THBS3: variants seen among roughly 807,000 people sequenced by gnomAD.
THBS3 encodes the protein thrombospondin 3.
Under a neutral mutation model 118.3 loss-of-function variants are expected in THBS3, and 78 were observed. The observed-to-expected ratio is 0.66, with a 90% CI of 0.55 to 0.80. THBS3 has a LOEUF of 0.80. THBS3 is among the 30% of genes least tolerant of loss of function. The pLI is 0.00. For missense variants in THBS3, 1,057 were observed against 1,247.4 expected (o/e 0.85, Z 2.30); for synonymous variants, 427 against 475.3 (o/e 0.90, Z 1.32).
chr1:155,208,000 G>C (rs1029631695), upstream of THBS3: 2 of 463,492 alleles, frequency 4.3e-6, no homozygotes, highest in Admixed American at 6.7e-5. Flanking sequence ...GGCGGGTGAG[G>C]GGGGGCTGAA....
chr1:155,198,853 C>A (rs1669144137), intron 16 of THBS3: 2 of 440,188 alleles, frequency 4.5e-6, no homozygotes, highest in Non-Finnish European at 8.1e-6. Flanking sequence ...GGCACAGTGG[C>A]TCATGCCTGT....
upstream of THBS3, chr1:155,207,930 G>A: frequency 6.5e-7 from 1 of 1,545,044 alleles, no homozygotes; most frequent in Non-Finnish European, 8.8e-7. Flanking sequence ...AGGGGAAAAG[G>A]CTAGGCGGAG....
chr1:155,197,240 G>T lies in THBS3; in HGVS notation c.2500-27C>A. On this transcript the variant is annotated intron_variant, in intron 20 of 22. Transcript: ENST00000368378. The surrounding 1 kb of genome is among the most constrained non-coding windows in gnomAD (Gnocchi z 5.0). The stretch of plus-strand genomic sequence containing the variant: ...TAGGAGACATTGGCAAAGACAGTGG[G>T]TCAACTGCAGAACTGGAGTGAGGGG... 1.2e-6 allele frequency: 2 copies of T among 1,607,202 alleles called. No homozygotes were observed. Among genetic ancestry groups the T allele is most frequent in the Non-Finnish European group, 1.7e-6 (2 of 1,174,334 alleles).
At chr1:155,208,826 C>T, upstream of THBS3, 1 of 1,576,500 alleles carries the variant, frequency 6.3e-7, no homozygotes, top group Non-Finnish European at 8.6e-7. Context: ...GGGACCCCCC[C>T]GCAGTCCCCG....
Position 155,206,300 on chromosome 1 carries a change from G to A in THBS3, c.186C>T (p.Phe62=). 1.2e-6 allele frequency: 2 copies of A among 1,614,194 alleles called. No homozygotes were observed. Among genetic ancestry groups the A allele is most frequent in the Non-Finnish European group, 1.7e-6 (2 of 1,180,028 alleles). ...CACCACCCTGCTTGGGGGGCAGGCGGAAGGTGGATAAGAGGTAGATGTCCC... is the reference window on the plus strand; with the variant it reads ...CACCACCCTGCTTGGGGGGCAGGCGAAAGGTGGATAAGAGGTAGATGTCCC... The part of the protein sequence containing the change: ...TAGDIYLLST[F]RLPPKQGGVL... The change falls in exon 2 of 23, where the codon TTC becomes TTT. Residue 62 remains phenylalanine (F), a synonymous_variant. Transcript: ENST00000368378. The surrounding 1 kb of genome is among the most constrained non-coding windows in gnomAD (Gnocchi z 4.2).
Position 155,197,677 on chromosome 1 carries a change from T to G in THBS3, c.2303-18A>C. The G allele has an allele frequency of 1.5e-6, 2 of 1,296,422 alleles. No homozygotes were observed. The highest frequency in any genetic ancestry group is 1.1e-6 in the Non-Finnish European group (1 of 899,712). 80.3% of individuals were successfully genotyped at this position (1,296,422 alleles called of 1,614,324 possible). A position where few individuals can be genotyped will look rare whatever the true frequency, so the allele number is the denominator to read the frequency against. On this transcript the variant is annotated intron_variant, in intron 19 of 22. Coordinates refer to ENST00000368378, the MANE Select transcript of THBS3 (RefSeq NM_007112.5). The surrounding 1 kb of genome is among the most constrained non-coding windows in gnomAD (Gnocchi z 5.0). ...CGTGTATCCTGGGGTGGGGGTGGGA[T>G]AAAGGTCAGGGGCAGCAAAGCTACT...
At chr1:155,201,843 T>C (rs1430681559) in intron 10 of THBS3, 114 bp downstream of exon 10, 2 of 1,463,312 alleles carry the variant, frequency 1.4e-6, no homozygotes, top group African/African-American at 1.4e-5. Context: ...ACCTAATCTG[T>C]GTAGTGCCCT....
chr1:155,199,952 T>TCC, intron 15 of THBS3, 43 bp downstream of exon 15: 1 of 1,607,956 alleles, frequency 6.2e-7, no homozygotes, highest in Non-Finnish European at 8.5e-7. Flanking sequence ...GCTTCATCCA[T>TCC]CAGTACCCTC....
intron 15 of THBS3, 34 bp downstream of exon 15, chr1:155,199,958 CCCT>C: frequency 6.2e-7 from 1 of 1,605,672 alleles, no homozygotes; most frequent in East Asian, 2.2e-5. Context: ...TCCATCAGTA[CCCT>C]CATCCCTCCC....
chr1:155,202,712 A>G lies in THBS3; in HGVS notation c.957+100T>C. ...GCCTCTGACCTCTCCTAAACTCCAG[A>G]TTCCTCTCCTCCGGACCAGCATTTA... On this transcript the variant is annotated intron_variant, in intron 8 of 22. Coordinates refer to ENST00000368378, the MANE Select transcript of THBS3 (RefSeq NM_007112.5). This position sits in a 1 kb window ranked among gnomAD's most constrained non-coding sequence, Gnocchi z 5.5. 6.7e-7 allele frequency: 1 copy of G among 1,488,546 alleles called. No individual in the cohort carries two copies. Among genetic ancestry groups the G allele is most frequent in the East Asian group, 2.3e-5 (1 of 43,928 alleles). 92.2% of individuals were successfully genotyped at this position (1,488,546 alleles called of 1,614,324 possible).
chr1:155,196,012 C>A lies in THBS3; in HGVS notation c.2787G>T (p.Trp929Cys). The stretch of plus-strand genomic sequence containing the variant: ...CATTGCATCGATACTGGAGATTGGA[C>A]CAAATTATGTTTTCTTGGGAGAAGC... Reference protein sequence around the residue: ...VFCFSQENIIWSNLQYRCNDT... With the variant: ...VFCFSQENIICSNLQYRCNDT... Residue 929 changes from tryptophan (W) to cysteine (C), a missense_variant, in exon 22 of 23, where the codon TGG (tryptophan) becomes TGT (cysteine). By Grantham distance (215) the Trp-to-Cys change is radical. This residue lies in a region of THBS3 where 307 missense variants were observed against 326.1 expected (regional missense o/e 0.94). Transcript: ENST00000368378. 2 of 1,614,182 alleles carry A rather than the reference C, an allele frequency of 1.2e-6. No individual in the cohort carries two copies.
At chr1:155,199,921 C>T (rs1669413515) in intron 15 of THBS3, 65 bp from the exon 16 acceptor site, 10 of 1,612,486 alleles carry the variant, frequency 6.2e-6, no homozygotes, top group Non-Finnish European at 8.5e-6. Flanking sequence ...GATCTGACCA[C>T]TTTCCATCCA....
chr1:155,201,125 G>A lies in THBS3; in HGVS notation c.1409C>T (p.Pro470Leu), dbSNP rs752691993. 18 of 1,614,172 alleles carry A rather than the reference G, an allele frequency of 1.1e-5. No homozygotes were observed. The East Asian group carries it at 3.6e-4, about 32-fold the overall frequency. ...GCAGTGTTTGTTGTTGTCCATGCAG[G>A]GCAGTGCTTGGTCTGGGTAGCCATC... The part of the protein sequence containing the change: ...DIDGYPDQAL[P>L]CMDNNKHCKQ... The change falls in exon 12 of 23, where the codon CCC (proline) becomes CTC (leucine). Residue 470 changes from proline to leucine, a missense_variant. Coordinates refer to ENST00000368378, the MANE Select transcript of THBS3 (RefSeq NM_007112.5).
Position 155,202,829 on chromosome 1 carries a change from A to T in THBS3, c.940T>A (p.Cys314Ser). Reference sequence around the variant, plus strand: ...TCCCTCACCTCATTGATGTCACTGCAGTGGGTGCCGTTGCCCTGCAGGCCA... The same window carrying T: ...TCCCTCACCTCATTGATGTCACTGCTGTGGGTGCCGTTGCCCTGCAGGCCA... ...PPGLQGNGTH[C>S]SDINECAHAD... Residue 314 changes from cysteine to serine, a missense_variant, in exon 8 of 23, where the codon TGC becomes AGC. Physicochemically the swap from Cys to Ser is moderately radical, Grantham distance 112. Around this residue, in one of 3 missense-constraint regions of THBS3, gnomAD observed 544 missense variants for 715.6 expected, o/e 0.76. Coordinates refer to ENST00000368378, the MANE Select transcript of THBS3 (RefSeq NM_007112.5). The surrounding 1 kb of genome is among the most constrained non-coding windows in gnomAD (Gnocchi z 5.5). 6.2e-7 allele frequency: 1 copy of T among 1,612,688 alleles called. No individual in the cohort carries two copies. Among genetic ancestry groups the T allele is most frequent in the Non-Finnish European group, 8.5e-7 (1 of 1,179,520 alleles).
In THBS3 at chr1:155,201,472, G is replaced by A. The variant is rs1669719395; in HGVS notation, c.1274C>T (p.Pro425Leu). ...ARTCHSPAHS[P>L]CHIHAHCLFE... Reference sequence around the variant, plus strand: ...GAGACAGTGAGCATGGATGTGGCAGGGGCTGTGGGCTGGGCTGTGGCAGGT... The same window carrying A: ...GAGACAGTGAGCATGGATGTGGCAGAGGCTGTGGGCTGGGCTGTGGCAGGT... Residue 425 changes from proline to leucine, a missense_variant, in exon 11 of 23, where the codon CCC becomes CTC. By Grantham distance (98) the Pro-to-Leu change is moderately conservative (BLOSUM62 -3). Around this residue, in one of 3 missense-constraint regions of THBS3, gnomAD observed 544 missense variants for 715.6 expected, o/e 0.76. Transcript: ENST00000368378. The A allele has an allele frequency of 6.2e-7, 1 of 1,613,682 alleles. No individual in the cohort carries two copies. Among genetic ancestry groups the A allele is most frequent in the South Asian group, 1.1e-5 (1 of 91,060 alleles).
At position 155,195,886 on chromosome 1, in the gene THBS3, C is replaced by G; in HGVS notation, c.2826G>C (p.Glu942Asp). 2 of 1,614,168 alleles carry G rather than the reference C, an allele frequency of 1.2e-6. No homozygotes were observed. The highest frequency in any genetic ancestry group is 1.7e-6 in the Non-Finnish European group (2 of 1,180,018). Residue 942 changes from glutamate to aspartate, a missense_variant, in exon 23 of 23, where the codon GAG becomes GAC. Glu to Asp is a conservative substitution (Grantham distance 45). Around this residue, in one of 3 missense-constraint regions of THBS3, gnomAD observed 307 missense variants for 326.1 expected, o/e 0.94. Coordinates refer to ENST00000368378, the MANE Select transcript of THBS3 (RefSeq NM_007112.5). ...GCTGCCTCCGGAATGGCTCAAAGTC[C>G]TCAGGCACTGTGTCTGAAGAAGGGG... ...LQYRCNDTVP[E>D]DFEPFRRQLL...
chr1:155,204,147 C>T (rs1670208364), intron 4 of THBS3, among the ~76,000 whole-genome samples: 1 of 151,996 alleles, frequency 6.6e-6, no homozygotes, highest in Non-Finnish European at 1.5e-5. Flanking sequence ...CCATCCCATT[C>T]CCTTCTTCAA....
chr1:155,200,418 C>T (rs1245930940), intron 14 of THBS3, 33 bp downstream of exon 14: 3 of 1,602,758 alleles, frequency 1.9e-6, no homozygotes, highest in African/African-American at 1.3e-5. Flanking sequence ...TCTCACAGGT[C>T]CCCCAGCCAC....
upstream of THBS3, chr1:155,209,005 C>G (rs375558224): frequency 1.2e-4 from 196 of 1,593,668 alleles, no homozygotes; most frequent in African/African-American, 2.5e-3. Flanking sequence ...CGAGGCGCGC[C>G]GGGCCGACAG....
Sources: allele counts gnomAD v4.1 joint callset (sites outside exome capture counted in the v4.1 genomes callset), GRCh38; gene constraint gnomAD v4.1.1; regional missense constraint gnomAD v4.1.1; non-coding constraint Gnocchi (gnomAD v3.1); transcripts MANE v1.5; gene names NCBI Gene and HGNC (gene_info 2026-07-23, HGNC 2026-07-21).